ULK4: variants seen among roughly 807,000 people sequenced by gnomAD.
The protein encoded by ULK4 is inactive serine/threonine-protein kinase ULK4.
A neutral mutation model predicts 160.6 loss-of-function variants in ULK4; 133 were observed. That is an observed-to-expected ratio of 0.83 (90% confidence interval 0.72 to 0.96). The LOEUF (loss-of-function observed/expected upper bound fraction) is 0.96, where lower values mean the gene tolerates loss of function less well. ULK4 is among the 40% of genes least tolerant of loss of function. The pLI is 0.00. For missense variants in ULK4, 1,580 were observed against 1,499.5 expected, an observed-to-expected ratio of 1.05 and a Z score of -0.89; for synonymous variants, 534 against 539.8, an observed-to-expected ratio of 0.99 and a Z score of 0.15.
chr3:41,547,055 T>C (rs1054565978), intron 32 of ULK4, among the ~76,000 whole-genome samples: 2 of 152,162 alleles, frequency 1.3e-5, no homozygotes, highest in African/African-American at 4.8e-5. Flanking sequence ...TCACTGATAG[T>C]GGGAGGGCAT....
chr3:41,725,962 A>T (rs2037634396), intron 22 of ULK4, among the ~76,000 whole-genome samples: 1 of 152,174 alleles, frequency 6.6e-6, no homozygotes, highest in Non-Finnish European at 1.5e-5. Context: ...AGTAACAGCT[A>T]CCCCAGAAAC....
chr3:41,798,582 T>C (rs1201552648), intron 20 of ULK4, among the ~76,000 whole-genome samples: 1 of 152,154 alleles, frequency 6.6e-6, no homozygotes, highest in Non-Finnish European at 1.5e-5. Context: ...AACATGAAAG[T>C]TATTAGTAAC....
At chr3:41,879,280 T>C (rs1470205823) in intron 17 of ULK4, among the ~76,000 whole-genome samples, 1 of 152,140 alleles carries the variant, frequency 6.6e-6, no homozygotes, top group Non-Finnish European at 1.5e-5. Context: ...ATTTTTCTAA[T>C]CCTTTTCTGC....
chr3:41,897,377 TAC>T (rs1315985306), intron 14 of ULK4, among the ~76,000 whole-genome samples: 1 of 152,080 alleles, frequency 6.6e-6, no homozygotes, highest in East Asian at 1.9e-4. Flanking sequence ...GCACAAATCC[TAC>T]AGTTCTTAAA....
chr3:41,428,575 T>C (rs545908102), intron 34 of ULK4, among the ~76,000 whole-genome samples: 11 of 152,208 alleles, frequency 7.2e-5, no homozygotes, highest in Admixed American at 5.9e-4. Context: ...AACATATACA[T>C]TGAGCAATGG....
chr3:41,696,665 G>A (rs557726716), intron 27 of ULK4, among the ~76,000 whole-genome samples: 2 of 152,200 alleles, frequency 1.3e-5, no homozygotes, highest in South Asian at 4.1e-4. Flanking sequence ...ACCCTGTGGG[G>A]CTGGTCCCTA....
At chr3:41,850,499 C>T (rs1461012683) in intron 17 of ULK4, among the ~76,000 whole-genome samples, 1 of 151,792 alleles carries the variant, frequency 6.6e-6, no homozygotes, top group Admixed American at 6.6e-5. Context: ...TTAATGATTG[C>T]CATTCTAACT....
chr3:41,840,716 G>A (rs906803813), intron 17 of ULK4, among the ~76,000 whole-genome samples: 2 of 152,234 alleles, frequency 1.3e-5, no homozygotes, highest in African/African-American at 4.8e-5. Context: ...TGTGATCTCA[G>A]ATCGCCACAA....
intron 30 of ULK4, among the ~76,000 whole-genome samples, chr3:41,633,430 G>GCAGA (rs1245050196): frequency 2.0e-5 from 3 of 152,130 alleles, no homozygotes; most frequent in Admixed American, 6.5e-5. Context: ...TGATATAATG[G>GCAGA]CAGAGTTAAG....
At chr3:41,954,914 C>A (rs1333649258) in intron 1 of ULK4, 107 bp from the exon 2 acceptor site, 2 of 704,528 alleles carry the variant, frequency 2.8e-6, no homozygotes, top group Non-Finnish European at 2.2e-6. Context: ...TCTAGCAAAT[C>A]GACAAATTCA....
chr3:41,828,640 T>G (rs1202678965), intron 18 of ULK4, among the ~76,000 whole-genome samples: 1 of 149,154 alleles, frequency 6.7e-6, no homozygotes, highest in East Asian at 1.9e-4. Flanking sequence ...TCAATGAAAT[T>G]AAAGAGGATA....
intron 5 of ULK4, among the ~76,000 whole-genome samples, chr3:41,925,983 C>T (rs927054478): frequency 6.6e-6 from 1 of 152,176 alleles, no homozygotes; most frequent in African/African-American, 2.4e-5. Context: ...TCTCCCAGCA[C>T]AGCATTCAAG....
At chr3:41,305,645 G>A (rs1475186917) in intron 35 of ULK4, among the ~76,000 whole-genome samples, 23 of 152,110 alleles carry the variant, frequency 1.5e-4, no homozygotes, top group African/African-American at 4.8e-4. Context: ...CTGCCACCCC[G>A]TCTGGGAAGT....
chr3:41,446,150 G>A (rs1046398775), intron 34 of ULK4, among the ~76,000 whole-genome samples: 6 of 152,150 alleles, frequency 3.9e-5, no homozygotes, highest in Non-Finnish European at 7.3e-5. Flanking sequence ...GGCCATCAGA[G>A]AAATGCAAAT....
chr3:41,376,780 G>A (rs1030360872), intron 35 of ULK4, among the ~76,000 whole-genome samples: 18 of 150,204 alleles, frequency 1.2e-4, no homozygotes, highest in African/African-American at 3.0e-4. Flanking sequence ...AATCAATATC[G>A]TAAAAATGGC....
At chr3:41,525,303 T>G (rs1373388308) in intron 32 of ULK4, among the ~76,000 whole-genome samples, 1 of 152,212 alleles carries the variant, frequency 6.6e-6, no homozygotes, top group Non-Finnish European at 1.5e-5. Context: ...GCATTACCCG[T>G]TCCTAAAGAG....
In ULK4 at chr3:41,954,724, T is replaced by C. The variant is rs1268766932; in HGVS notation, c.36A>G (p.Arg12=). 6.2e-7 allele frequency: 1 copy of C among 1,614,020 alleles called. No homozygotes were observed. The highest frequency in any genetic ancestry group is 2.2e-5 in the East Asian group (1 of 44,862). ...CTTTATAGACAACAGTCTTGCTTCC[T>C]CTTCCGATCTCCTCATACAGAATAA... ...ENFILYEEIG[R]GSKTVVYKGR... Residue 12 remains arginine (R), a synonymous_variant, in exon 2 of 37, where the codon AGA becomes AGG. Transcript: ENST00000301831.
chr3:41,720,637 G>T (rs2037415971), intron 22 of ULK4, among the ~76,000 whole-genome samples: 1 of 151,834 alleles, frequency 6.6e-6, no homozygotes, highest in African/African-American at 2.4e-5. Flanking sequence ...AATATAAATG[G>T]TTCAAGAAAA....
At chr3:41,585,001 A>T (rs188741868) in intron 31 of ULK4, among the ~76,000 whole-genome samples, 205 of 152,322 alleles carry the variant, frequency 1.3e-3, no homozygotes, top group Non-Finnish European at 1.9e-3. Context: ...AAAATCAAAG[A>T]TACAAGAAAT....
Sources: gnomAD v4.1 joint callset for allele counts (sites outside exome capture counted in the v4.1 genomes callset) on GRCh38, gnomAD v4.1.1 for gene constraint, MANE v1.5 for transcripts, NCBI Gene and HGNC (gene_info 2026-07-23, HGNC 2026-07-21) for gene names.